Variants in LRP1B observed in about 807,000 individuals in gnomAD.
The protein encoded by LRP1B is low-density lipoprotein receptor-related protein 1B.
A neutral mutation model predicts 556.6 loss-of-function variants in LRP1B; 217 were observed. The ratio of observed to expected loss-of-function variants is 0.39; its 90% confidence interval spans 0.35 to 0.44. LRP1B has a LOEUF of 0.44. Among genes scored for constraint, LRP1B ranks in the 20% least tolerant of loss-of-function variants. The pLI is 1.00. For synonymous variants in LRP1B, 2,047 were observed against 1,865.8 expected (o/e 1.10, Z -2.50); for missense variants, 5,053 against 5,620.8 (o/e 0.90, Z 3.23).
intron 20 of LRP1B, 124 bp downstream of exon 20, chr2:140,950,111 T>A: frequency 1.5e-6 from 1 of 657,250 alleles, no homozygotes; most frequent in Non-Finnish European, 2.4e-6. Flanking sequence ...TTTACACAGT[T>A]CCACATGTAT....
At position 140,450,668 on chromosome 2, in the gene LRP1B, A is replaced by T; in HGVS notation, c.9964-7T>A. 6.4e-7 allele frequency: 1 copy of T among 1,574,674 alleles called. No homozygotes were observed. Among genetic ancestry groups the T allele is most frequent in the South Asian group, 1.1e-5 (1 of 88,666 alleles). On this transcript the variant is annotated splice_polypyrimidine_tract_variant and splice_region_variant and intron_variant, in intron 62 of 90. Transcript: ENST00000389484. ...TGTCAGTTTTGCAACGAAACTTAAA[A>T]AAGAAAAAAAGAAAAAAAAATGTTG...
rs1410845697 is a variant in LRP1B at position 141,585,034 on chromosome 2, G to A, written c.206-104501C>T. Among the ~76,000 whole-genome samples the A allele has an allele frequency of 5.3e-5, 8 of 151,972 alleles. No homozygotes were observed. The South Asian group carries it at 1.7e-3, about 32-fold the overall frequency. On this transcript the variant is annotated intron_variant, in intron 2 of 90. Coordinates refer to ENST00000389484, the MANE Select transcript of LRP1B (RefSeq NM_018557.3). ...CTATACACCTAAAAATGGCTAAAATGGTAAATTTTATGTCATGTGTTTTTT... is the reference window on the plus strand; with the variant it reads ...CTATACACCTAAAAATGGCTAAAATAGTAAATTTTATGTCATGTGTTTTTT...
At chr2:141,155,811 T>A (rs975827139) in intron 7 of LRP1B, among the ~76,000 whole-genome samples, 1 of 152,212 alleles carries the variant, frequency 6.6e-6, no homozygotes, top group African/African-American at 2.4e-5. Context: ...TTTACTAGTA[T>A]TTCCAAAGCT....
At chr2:140,400,385 T>C (rs891403602) in intron 66 of LRP1B, among the ~76,000 whole-genome samples, 1 of 152,200 alleles carries the variant, frequency 6.6e-6, no homozygotes, top group African/African-American at 2.4e-5. Flanking sequence ...CCTGGTAGGA[T>C]GAATCTCGTT....
intron 1 of LRP1B, among the ~76,000 whole-genome samples, chr2:141,915,632 A>G (rs964013907): frequency 6.6e-6 from 1 of 152,154 alleles, no homozygotes. Context: ...GAAACTATCA[A>G]CAGAAGAAAC....
chr2:140,474,102 C>A (rs560876339), intron 60 of LRP1B, among the ~76,000 whole-genome samples: 2 of 151,950 alleles, frequency 1.3e-5, no homozygotes, highest in African/African-American at 2.4e-5. Flanking sequence ...CTTAAGAAAG[C>A]GCCTCTAAAA....
chr2:141,542,466 T>G, intron 2 of LRP1B, among the ~76,000 whole-genome samples: 1 of 152,188 alleles, frequency 6.6e-6, no homozygotes, highest in South Asian at 2.1e-4. Context: ...TCTTCTCATA[T>G]AATGTTTAAG....
intron 41 of LRP1B, among the ~76,000 whole-genome samples, chr2:140,676,988 T>C (rs1291770314): frequency 2.0e-5 from 3 of 152,230 alleles, no homozygotes; most frequent in Admixed American, 1.3e-4. Flanking sequence ...GAACAATCAT[T>C]GCAATTTATT....
At chr2:140,354,910 A>G (rs1000809624) in intron 75 of LRP1B, among the ~76,000 whole-genome samples, 3 of 152,118 alleles carry the variant, frequency 2.0e-5, no homozygotes, top group Non-Finnish European at 2.9e-5. Context: ...TTTCAGATAC[A>G]TAAGTGAAGG....
At chr2:141,432,781 T>C (rs1680608343) in intron 3 of LRP1B, among the ~76,000 whole-genome samples, 1 of 152,006 alleles carries the variant, frequency 6.6e-6, no homozygotes, top group Non-Finnish European at 1.5e-5. Context: ...TTTTAGTAAT[T>C]TGAGTATTTT....
intron 11 of LRP1B, among the ~76,000 whole-genome samples, chr2:141,035,483 A>C (rs1319736549): frequency 6.6e-6 from 1 of 152,096 alleles, no homozygotes; most frequent in Non-Finnish European, 1.5e-5. Flanking sequence ...GCATCCAATA[A>C]GAATATAAAC....
rs1421097082 is a variant in LRP1B, at chr2:140,475,198, A to G, written c.9565T>C (p.Tyr3189His). ...TCAATGTGATTTTCATCGGCCCAGT[A>G]GAGTCTACGATTAACATAATCTATT... ...LTIDYVNRRLYWADENHIEFS... is the reference protein window; with the variant it reads ...LTIDYVNRRLHWADENHIEFS... Residue 3189 changes from tyrosine (Y) to histidine (H), a missense_variant, in exon 60 of 91, where the codon TAC becomes CAC. Physicochemically the swap from Tyr to His is moderately conservative, Grantham distance 83. Transcript: ENST00000389484. 5 of 1,611,282 alleles carry G rather than the reference A, an allele frequency of 3.1e-6. No individual in the cohort carries two copies. Among genetic ancestry groups the G allele is most frequent in the Non-Finnish European group, 4.2e-6 (5 of 1,178,370 alleles).
chr2:141,058,884 T>C lies in LRP1B; in HGVS notation c.1407A>G (p.Thr469=), dbSNP rs1699259688. ...IRIYQKRTQP[T]VRSHACEVDP... is the part of the protein sequence containing the mutation. ...TAATAAAGAAGCTTTCCCACTTACC[T>C]GTTGGTTGAGTTCTTTTTTGATAAA... The change falls in exon 9 of 91, where the codon ACA becomes ACG. Residue 469 remains threonine, a splice_region_variant and synonymous_variant. Coordinates refer to ENST00000389484, the MANE Select transcript of LRP1B (RefSeq NM_018557.3). The C allele has an allele frequency of 6.3e-7, 1 of 1,583,634 alleles. No homozygotes were observed. The highest frequency in any genetic ancestry group is 8.6e-7 in the Non-Finnish European group (1 of 1,167,104).
intron 1 of LRP1B, among the ~76,000 whole-genome samples, chr2:142,015,234 C>A (rs1383444982): frequency 6.6e-6 from 1 of 152,084 alleles, no homozygotes; most frequent in Non-Finnish European, 1.5e-5. Context: ...CTACAAGCAG[C>A]TGACCTTTGA....
At chr2:141,856,941 G>A (rs1698072322) in intron 1 of LRP1B, among the ~76,000 whole-genome samples, 1 of 151,928 alleles carries the variant, frequency 6.6e-6, no homozygotes, top group Admixed American at 6.6e-5. Flanking sequence ...GAAGTCAGTG[G>A]CCTGGATCGG....
intron 87 of LRP1B, among the ~76,000 whole-genome samples, chr2:140,243,103 TGATGA>T (rs1190952436): frequency 6.6e-6 from 1 of 150,966 alleles, no homozygotes; most frequent in Non-Finnish European, 1.5e-5. Flanking sequence ...TAGGGGGCAG[TGATGA>T]GATCATTTGG....
chr2:140,772,867 A>G (rs1488888281), intron 33 of LRP1B, among the ~76,000 whole-genome samples: 1 of 152,072 alleles, frequency 6.6e-6, no homozygotes, highest in African/African-American at 2.4e-5. Context: ...GCATTTTGGG[A>G]GGTGAAGGCA....
chr2:140,838,614 C>T (rs1486757457), intron 31 of LRP1B, among the ~76,000 whole-genome samples: 1 of 151,918 alleles, frequency 6.6e-6, no homozygotes, highest in African/African-American at 2.4e-5. Flanking sequence ...AAGAAAAAAT[C>T]GACAAGCTTC....
chr2:140,714,142 A>G (rs1687130929), intron 37 of LRP1B, among the ~76,000 whole-genome samples: 1 of 152,156 alleles, frequency 6.6e-6, no homozygotes, highest in Non-Finnish European at 1.5e-5. Flanking sequence ...GAATAGAGGC[A>G]ACATCTTATT....
Sources: allele counts gnomAD v4.1 joint callset (sites outside exome capture counted in the v4.1 genomes callset), GRCh38; gene constraint gnomAD v4.1.1; transcripts MANE v1.5; gene names NCBI Gene and HGNC (gene_info 2026-07-23, HGNC 2026-07-21).